The following SHROOM4 variants were observed in gnomAD, a reference collection of about 807,000 sequenced individuals.
The protein encoded by SHROOM4 is protein Shroom4.
A neutral mutation model predicts 80.3 loss-of-function variants in SHROOM4; 17 were observed. The observed-to-expected ratio is 0.21, with a 90% CI of 0.14 to 0.32. The LOEUF is 0.32. Ranked by LOEUF, SHROOM4 falls within the 10% of genes least tolerant of loss-of-function variation. SHROOM4 has a pLI of 1.00. For missense variants in SHROOM4, 993 were observed against 1,140.3 expected (o/e 0.87, Z 1.86); for synonymous variants, 400 against 437.5 (o/e 0.91, Z 1.07).
intron 1 of SHROOM4, among the ~76,000 whole-genome samples, chrX:50,738,695 G>T (rs1348623717): frequency 9.0e-6 from 1 of 111,607 alleles, no homozygotes; most frequent in East Asian, 2.8e-4. Flanking sequence ...CAAACAAATG[G>T]AAGAACATTC....
chrX:50,755,543 G>C (rs781967872), intron 1 of SHROOM4, among the ~76,000 whole-genome samples: 1 of 111,908 alleles, frequency 8.9e-6, no homozygotes, highest in African/African-American at 3.2e-5. Flanking sequence ...CATAAGACAC[G>C]ACAAGTATCA....
downstream of SHROOM4, among the ~76,000 whole-genome samples, chrX:50,585,076 G>T (rs1928732827): frequency 9.0e-6 from 1 of 111,074 alleles, no homozygotes; most frequent in Admixed American, 9.6e-5. Context: ...GCCAGTGTAA[G>T]ATATCACCAG....
At chrX:50,625,314 G>A (rs1158160300) in intron 5 of SHROOM4, among the ~76,000 whole-genome samples, 1 of 112,101 alleles carries the variant, frequency 8.9e-6, no homozygotes, top group Non-Finnish European at 1.9e-5. Context: ...AGCATATTAA[G>A]CTGGTGAAAT....
In SHROOM4 at chrX:50,635,001, G is replaced by C. The variant is rs184720928; in HGVS notation, c.1072C>G (p.Leu358Val). 2 of 1,210,860 alleles carry C rather than the reference G, an allele frequency of 1.7e-6. No homozygotes were observed. Among genetic ancestry groups the C allele is most frequent in the African/African-American group, 3.5e-5 (2 of 57,441 alleles). The change falls in exon 4 of 9, where the codon CTA becomes GTA. Residue 358 changes from leucine (L) to valine (V), a missense_variant. Physicochemically the swap from Leu to Val is conservative, Grantham distance 32. Coordinates refer to ENST00000376020, the MANE Select transcript of SHROOM4 (RefSeq NM_020717.5). ...GCTTTGGTTGAGGCCTGCATCAGTA[G>C]ATGCTCAGAGCCCTGTTGGCTGGAT... is the stretch of plus-strand genomic sequence containing the variant. The part of the protein sequence containing the change: ...PESSQQGSEH[L>V]LMQASTKAVG...
intron 2 of SHROOM4, among the ~76,000 whole-genome samples, chrX:50,679,823 C>T (rs1345874215): frequency 6.3e-5 from 7 of 111,428 alleles, no homozygotes; most frequent in African/African-American, 1.3e-4. Flanking sequence ...TTTTATTAAC[C>T]GACAAAAATC....
chrX:50,605,891 T>C (rs1171346108), intron 6 of SHROOM4, among the ~76,000 whole-genome samples: 1 of 112,354 alleles, frequency 8.9e-6, no homozygotes, highest in African/African-American at 3.2e-5. Flanking sequence ...CATCCATTCA[T>C]TTATTTGTTC....
At position 50,776,687 on chromosome X, in the gene SHROOM4, C is replaced by A. The variant is rs147815645; in HGVS notation, c.117+37215G>T. ...CTGCTATTCTCTAAAGACTTTTTTT[C>A]TTTTTTTTTATTTTTTTTTGAGACA... On this transcript the variant is annotated intron_variant, in intron 1 of 8. Coordinates refer to ENST00000376020, the MANE Select transcript of SHROOM4 (RefSeq NM_020717.5). Among the ~76,000 whole-genome samples the A allele has an allele frequency of 3.8e-3, 420 of 109,342 alleles. 3 individuals are homozygous for A. The highest frequency in any genetic ancestry group is 0.013 in the African/African-American group (385 of 30,133). The allele number at this position is 109,342 out of a possible 115,157, so 95.0% of individuals were successfully genotyped here. A position where few individuals can be genotyped will look rare whatever the true frequency, so the allele number is the denominator to read the frequency against.
intron 2 of SHROOM4, among the ~76,000 whole-genome samples, chrX:50,648,969 G>A (rs1349787556): frequency 9.0e-6 from 1 of 111,662 alleles, no homozygotes; most frequent in Non-Finnish European, 1.9e-5. Context: ...TAAATTATGT[G>A]GATAGATACT....
intron 4 of SHROOM4, among the ~76,000 whole-genome samples, chrX:50,632,405 C>G (rs1462020795): frequency 2.7e-5 from 3 of 111,874 alleles, no homozygotes; most frequent in African/African-American, 6.5e-5. Context: ...AAGATGGCAT[C>G]AGGGATGCCA....
chrX:50,627,547 A>C, intron 5 of SHROOM4, 67 bp downstream of exon 5: 6 of 996,386 alleles, frequency 6.0e-6, no homozygotes, highest in Non-Finnish European at 8.6e-6. Flanking sequence ...CAAACCAAAG[A>C]CCTTAGCAAT....
intron 5 of SHROOM4, among the ~76,000 whole-genome samples, chrX:50,609,485 T>C (rs1929850962): frequency 9.0e-6 from 1 of 110,920 alleles, no homozygotes; most frequent in Admixed American, 9.6e-5. Flanking sequence ...CAAAACAGAA[T>C]AGAAAGTTCA....
chrX:50,769,604 C>T (rs1557269561), intron 1 of SHROOM4, among the ~76,000 whole-genome samples: 5 of 111,466 alleles, frequency 4.5e-5, no homozygotes, highest in African/African-American at 1.6e-4. Flanking sequence ...TAGGGTTGGG[C>T]GGGACCTTTG....
intron 2 of SHROOM4, among the ~76,000 whole-genome samples, chrX:50,670,744 T>C (rs950767444): frequency 7.0e-4 from 78 of 112,043 alleles, no homozygotes; most frequent in Non-Finnish European, 1.0e-3. Context: ...AAAGCATTCC[T>C]ATTTCTCCAC....
intron 1 of SHROOM4, among the ~76,000 whole-genome samples, chrX:50,772,676 C>G (rs1557269810): frequency 8.9e-6 from 1 of 112,059 alleles, no homozygotes; most frequent in Non-Finnish European, 1.9e-5. Flanking sequence ...GATGCCAAAA[C>G]CCAGGTGACC....
chrX:50,640,360 T>A (rs1557256935), intron 2 of SHROOM4, among the ~76,000 whole-genome samples: 1 of 110,050 alleles, frequency 9.1e-6, no homozygotes, highest in Non-Finnish European at 1.9e-5. Context: ...GTCTTTTTTT[T>A]ATGATGTTTC....
chrX:50,677,339 G>C (rs1356111156), intron 2 of SHROOM4, among the ~76,000 whole-genome samples: 1 of 111,249 alleles, frequency 9.0e-6, no homozygotes, highest in African/African-American at 3.3e-5. Context: ...GCTGTTTATT[G>C]TTTTTAAAAA....
intron 1 of SHROOM4, among the ~76,000 whole-genome samples, chrX:50,776,993 T>C (rs958835026): frequency 4.5e-5 from 5 of 111,695 alleles, no homozygotes; most frequent in Admixed American, 3.8e-4. Context: ...GGCCTCTCTA[T>C]AGACTTTCAA....
chrX:50,776,479 G>A (rs1557270140), intron 1 of SHROOM4, among the ~76,000 whole-genome samples: 1 of 110,783 alleles, frequency 9.0e-6, no homozygotes, highest in South Asian at 3.8e-4. Flanking sequence ...ATTCACAGAT[G>A]AAGAATGAGG....
intron 2 of SHROOM4, among the ~76,000 whole-genome samples, chrX:50,658,832 C>T (rs782104699): frequency 3.6e-5 from 4 of 111,415 alleles, no homozygotes; most frequent in African/African-American, 1.3e-4. Flanking sequence ...AAGCAGTCCG[C>T]AGGATACTGC....
Sources: allele counts gnomAD v4.1 joint callset (sites outside exome capture counted in the v4.1 genomes callset), GRCh38; gene constraint gnomAD v4.1.1; transcripts MANE v1.5; gene names NCBI Gene and HGNC (gene_info 2026-07-23, HGNC 2026-07-21).